SSBP2: variants seen among roughly 807,000 people sequenced by gnomAD.
The protein encoded by SSBP2 is single-stranded DNA-binding protein 2.
SSBP2 carries 17 observed loss-of-function variants against 61.8 expected under a neutral mutation model. The observed-to-expected ratio is 0.28, with a 90% CI of 0.19 to 0.41. The LOEUF (loss-of-function observed/expected upper bound fraction) is 0.41, where lower values mean the gene tolerates loss of function less well. Among genes scored for constraint, SSBP2 ranks in the 10% least tolerant of loss-of-function variants. The probability of loss-of-function intolerance (pLI) is 1.00; values close to 1 mark genes in which losing one functional copy is unlikely to be tolerated. For missense variants in SSBP2, 310 were observed against 458.7 expected, an observed-to-expected ratio of 0.68 and a Z score of 2.96; for synonymous variants, 139 against 141.3, an observed-to-expected ratio of 0.98 and a Z score of 0.12.
intron 1 of SSBP2, among the ~76,000 whole-genome samples, chr5:81,655,233 A>G (rs1279164006): frequency 6.6e-6 from 1 of 152,182 alleles, no homozygotes; most frequent in African/African-American, 2.4e-5. Context: ...TTGAATATAC[A>G]AATATTTGAA....
chr5:81,742,636 G>A (rs1757106457), intron 1 of SSBP2, among the ~76,000 whole-genome samples: 1 of 152,154 alleles, frequency 6.6e-6, no homozygotes, highest in Non-Finnish European at 1.5e-5. Context: ...AGCACTTTGG[G>A]AGGCTGAGGC....
intron 1 of SSBP2, among the ~76,000 whole-genome samples, chr5:81,718,721 T>G (rs1755344286): frequency 6.6e-6 from 1 of 152,172 alleles, no homozygotes; most frequent in African/African-American, 2.4e-5. Context: ...GTGCCACATC[T>G]GAAAAGAGGG....
intron 1 of SSBP2, 194 bp downstream of exon 1, chr5:81,750,787 C>G (rs1407920272): frequency 3.2e-6 from 2 of 633,994 alleles, no homozygotes; most frequent in Non-Finnish European, 5.3e-6. Flanking sequence ...TGCGGCCGCC[C>G]GCCCAGCGCC....
intron 8 of SSBP2, among the ~76,000 whole-genome samples, chr5:81,471,653 A>T (rs1311981720): frequency 2.0e-5 from 3 of 151,968 alleles, no homozygotes; most frequent in Non-Finnish European, 4.4e-5. Context: ...TATGAATAGA[A>T]ATAGGTAAGA....
intron 5 of SSBP2, among the ~76,000 whole-genome samples, chr5:81,511,893 C>T (rs940461106): frequency 2.6e-5 from 4 of 152,072 alleles, no homozygotes; most frequent in African/African-American, 4.8e-5. Flanking sequence ...TAAAAGCTAA[C>T]GGTTTCAATT....
At chr5:81,438,568 T>C (rs988360277) in intron 14 of SSBP2, among the ~76,000 whole-genome samples, 8 of 152,106 alleles carry the variant, frequency 5.3e-5, no homozygotes, top group East Asian at 1.9e-4. Context: ...GCATAATAAA[T>C]TATTAAATAC....
chr5:81,442,549 TG>T lies in SSBP2; in HGVS notation c.849+103del, dbSNP rs1763102127. ...ACTTTTTGAATATCTAATAAGCTCC[TG>T]GATAATAAAATATAAAGTTTAAACA... On this transcript the variant is annotated intron_variant, in intron 13 of 16. Coordinates refer to ENST00000320672, the MANE Select transcript of SSBP2 (RefSeq NM_012446.5). The T allele has an allele frequency of 2.0e-5, 13 of 654,100 alleles. 2 individuals are homozygous for T. The Middle Eastern group carries it at 2.7e-3, about 136-fold the overall frequency. 40.5% of individuals were successfully genotyped at this position (654,100 alleles called of 1,614,324 possible).
At chr5:81,432,851 G>A (rs1334088374) in intron 15 of SSBP2, among the ~76,000 whole-genome samples, 1 of 150,294 alleles carries the variant, frequency 6.7e-6, no homozygotes, top group East Asian at 2.0e-4. Context: ...TCCGGGAGGT[G>A]AGGGGCGCCT....
intron 5 of SSBP2, among the ~76,000 whole-genome samples, chr5:81,500,758 C>A (rs1315150966): frequency 6.6e-6 from 1 of 151,926 alleles, no homozygotes; most frequent in East Asian, 1.9e-4. Context: ...TGTGCCCAGC[C>A]CAGATTTTCA....
At chr5:81,540,497 T>C (rs541474523) in intron 4 of SSBP2, among the ~76,000 whole-genome samples, 1 of 152,360 alleles carries the variant, frequency 6.6e-6, no homozygotes, top group East Asian at 1.9e-4. Flanking sequence ...TGGCCAGTGA[T>C]GATAAGCTTT....
intron 4 of SSBP2, among the ~76,000 whole-genome samples, chr5:81,565,284 T>C (rs1042517552): frequency 6.6e-6 from 1 of 151,298 alleles, no homozygotes; most frequent in Admixed American, 6.6e-5. Flanking sequence ...CAAATGCCTA[T>C]GAGTTATCTT....
chr5:81,450,521 C>T (rs949061555), intron 10 of SSBP2, among the ~76,000 whole-genome samples: 3 of 152,066 alleles, frequency 2.0e-5, no homozygotes, highest in South Asian at 2.1e-4. Flanking sequence ...TGCAGTTCAC[C>T]GCCTTGCTTT....
chr5:81,559,384 CAAAAAAAAAAA>C (rs36034616), intron 4 of SSBP2, among the ~76,000 whole-genome samples: 1 of 95,982 alleles, frequency 1.0e-5, no homozygotes, highest in Non-Finnish European at 2.1e-5. Flanking sequence ...GAGATTTCAT[CAAAAAAAAAAA>C]AAAAAAAAAA....
At position 81,416,787 on chromosome 5, in the gene SSBP2, G is replaced by A. The variant is rs1761325727; in HGVS notation, c.*3717C>T. 1 of 152,142 alleles carries A rather than the reference G, an allele frequency of 6.6e-6. No individual in the cohort carries two copies. The highest frequency in any genetic ancestry group is 1.5e-5 in the Non-Finnish European group (1 of 68,024). 9.4% of individuals were successfully genotyped at this position (152,142 alleles called of 1,614,324 possible). On this transcript the variant is annotated 3_prime_UTR_variant, in exon 17 of 17. Coordinates refer to ENST00000320672, the MANE Select transcript of SSBP2 (RefSeq NM_012446.5). ...TGGAAGTTTTATTTTATTCTGGAGG[G>A]AAAGGGCTGTTTTGGGCACTTTTCA...
chr5:81,708,456 T>G (rs574139135), intron 1 of SSBP2, among the ~76,000 whole-genome samples: 1 of 152,182 alleles, frequency 6.6e-6, no homozygotes, highest in East Asian at 1.9e-4. Flanking sequence ...AATTGAAAAG[T>G]TGTTCAATTT....
At chr5:81,423,068 A>T (rs2153889604) in intron 16 of SSBP2, among the ~76,000 whole-genome samples, 1 of 152,372 alleles carries the variant, frequency 6.6e-6, no homozygotes, top group Non-Finnish European at 1.5e-5. Flanking sequence ...GGTTAGCAAG[A>T]TTTTACTAGA....
intron 10 of SSBP2, among the ~76,000 whole-genome samples, chr5:81,449,819 T>C (rs1477823648): frequency 1.3e-5 from 2 of 152,218 alleles, no homozygotes; most frequent in African/African-American, 4.8e-5. Context: ...ACACAACACA[T>C]GTCCCAAGGC....
chr5:81,631,040 C>T (rs1181579132), intron 3 of SSBP2, among the ~76,000 whole-genome samples: 1 of 151,936 alleles, frequency 6.6e-6, no homozygotes, highest in Non-Finnish European at 1.5e-5. Flanking sequence ...CACTCAATTA[C>T]ATTTGGAAAA....
chr5:81,641,920 T>C (rs1004237398), intron 2 of SSBP2, among the ~76,000 whole-genome samples: 2 of 152,070 alleles, frequency 1.3e-5, no homozygotes, highest in African/African-American at 4.8e-5. Flanking sequence ...AAAACCTTTC[T>C]GCTTGGAAAA....
Sources: allele counts gnomAD v4.1 joint callset (sites outside exome capture counted in the v4.1 genomes callset), GRCh38; gene constraint gnomAD v4.1.1; transcripts MANE v1.5; gene names NCBI Gene and HGNC (gene_info 2026-07-23, HGNC 2026-07-21).